MPRIP: variants seen among roughly 807,000 people sequenced by gnomAD.
MPRIP encodes myosin phosphatase Rho interacting protein, also known as myosin phosphatase Rho-interacting protein.
In MPRIP, 59 loss-of-function variants were observed where a neutral mutation model predicts 234.9. The ratio of observed to expected loss-of-function variants is 0.25; its 90% CI spans 0.20 to 0.31. The LOEUF is 0.31. Among genes scored for constraint, MPRIP ranks in the 10% least tolerant of loss-of-function variants. MPRIP has a pLI of 1.00. For synonymous variants in MPRIP, 1,144 were observed against 1,263.9 expected (o/e 0.91, Z 2.01); for missense variants, 2,436 against 3,071.0 (o/e 0.79, Z 4.89).
At chr17:17,175,868 A>G (rs1264570865) in intron 20 of MPRIP, among the ~76,000 whole-genome samples, 1 of 152,142 alleles carries the variant, frequency 6.6e-6, no homozygotes, top group Non-Finnish European at 1.5e-5. Flanking sequence ...AAATTTCAGC[A>G]CTCAGCCAGC....
intron 5 of MPRIP, among the ~76,000 whole-genome samples, chr17:17,135,771 G>A (rs2144456500): frequency 6.6e-6 from 1 of 152,296 alleles, no homozygotes; most frequent in East Asian, 1.9e-4. Flanking sequence ...ATGAGTTGTG[G>A]GGAGACACAG....
At chr17:17,172,008 A>G (rs2046148014) in intron 17 of MPRIP, 143 bp downstream of exon 17, 1 of 1,016,296 alleles carries the variant, frequency 9.8e-7, no homozygotes, top group African/African-American at 1.6e-5. Flanking sequence ...TTGACTATTC[A>G]CTCTGAGGCA....
intron 3 of MPRIP, among the ~76,000 whole-genome samples, chr17:17,105,138 C>T (rs2090038381): frequency 6.6e-6 from 1 of 152,212 alleles, no homozygotes; most frequent in Admixed American, 6.5e-5. Flanking sequence ...GCACTAATTC[C>T]ATTCGATGGA....
intron 3 of MPRIP, among the ~76,000 whole-genome samples, chr17:17,087,301 T>C (rs1472933085): frequency 6.6e-6 from 1 of 152,158 alleles, no homozygotes; most frequent in African/African-American, 2.4e-5. Flanking sequence ...CTGTCCCGAC[T>C]TAGAGCCTGG....
intron 3 of MPRIP, among the ~76,000 whole-genome samples, chr17:17,108,313 G>A (rs1417518420): frequency 6.6e-6 from 1 of 152,240 alleles, no homozygotes; most frequent in African/African-American, 2.4e-5. Context: ...GCAAAAAGCT[G>A]TAAGTGACTT....
At chr17:17,090,040 G>A (rs978344782) in intron 3 of MPRIP, among the ~76,000 whole-genome samples, 1 of 152,212 alleles carries the variant, frequency 6.6e-6, no homozygotes, top group Non-Finnish European at 1.5e-5. Context: ...CCAGGGGGAG[G>A]TGGGGAGACG....
intron 1 of MPRIP, among the ~76,000 whole-genome samples, chr17:17,063,617 G>T (rs1263450165): frequency 6.6e-6 from 1 of 152,166 alleles, no homozygotes; most frequent in Admixed American, 6.5e-5. Context: ...GCCGGATTGC[G>T]CAATATGTCT....
rs2045787259 is a variant in MPRIP at position 17,158,632 on chromosome 17, GGGTGGGCGGCGT to G, written c.2033_2044del (p.Val678_Val681del). Reference sequence around the variant, plus strand: ...ATCCAGCAGGCCCTGGCTCAGGAGCGGGTGGGCGGCGTGGGGCCTGCTGACACCCACGAGCCC... The same window carrying G: ...ATCCAGCAGGCCCTGGCTCAGGAGCGGGGGCCTGCTGACACCCACGAGCCC... On this transcript the variant is annotated inframe_deletion, in exon 14 of 24. Transcript: ENST00000651222. The G allele has an allele frequency of 6.2e-7, 1 of 1,601,696 alleles. No homozygotes were observed. Among genetic ancestry groups the G allele is most frequent in the African/African-American group, 1.3e-5 (1 of 74,662 alleles).
At chr17:17,046,994 A>G (rs1219779041) in intron 1 of MPRIP, among the ~76,000 whole-genome samples, 2 of 152,278 alleles carry the variant, frequency 1.3e-5, no homozygotes, top group African/African-American at 2.4e-5. Flanking sequence ...CCTGGCCAAC[A>G]TGGTGAAACT....
In MPRIP at chr17:17,165,281, A is replaced by G; in HGVS notation, c.3690A>G (p.Pro1230=). 3 of 1,304,110 alleles carry G rather than the reference A, an allele frequency of 2.3e-6. No individual in the cohort carries two copies. The highest frequency in any genetic ancestry group is 1.0e-6 in the Non-Finnish European group (1 of 988,970). The allele number at this position is 1,304,110 out of a possible 1,614,324, so 80.8% of individuals were successfully genotyped here. The part of the protein sequence containing the change: ...ASESPKDMEE[P]RSTPEETERD... The stretch of plus-strand genomic sequence containing the variant: ...AATCTCCAAAGGACATGGAAGAGCC[A>G]CGGAGTACCCCTGAAGAGACAGAAA... The change falls in exon 16 of 24, where the codon CCA becomes CCG. Residue 1230 remains proline, a synonymous_variant. Transcript: ENST00000651222.
Position 17,167,106 on chromosome 17 carries a change from G to T in MPRIP, c.5515G>T (p.Val1839Phe). 3 of 1,304,292 alleles carry T rather than the reference G, an allele frequency of 2.3e-6. No homozygotes were observed. The highest frequency in any genetic ancestry group is 3.0e-6 in the Non-Finnish European group (3 of 988,968). 80.8% of individuals were successfully genotyped at this position (1,304,292 alleles called of 1,614,324 possible). A position where few individuals can be genotyped will look rare whatever the true frequency, so the allele number is the denominator to read the frequency against. The part of the protein sequence containing the change: ...GGLGQYSSLL[V>F]QDAIIQAQVC... ...CCTCGGTCAGTATTCTTCATTGTTGGTTCAGGATGCCATTATTCAGGCCCA... is the reference window on the plus strand; with the variant it reads ...CCTCGGTCAGTATTCTTCATTGTTGTTTCAGGATGCCATTATTCAGGCCCA... Residue 1839 changes from valine (V) to phenylalanine (F), a missense_variant, in exon 16 of 24, where the codon GTT becomes TTT. This residue lies in a region of MPRIP where 1,998 missense variants were observed against 2,520.3 expected (regional missense o/e 0.79). Transcript: ENST00000651222. This position sits in a 1 kb window ranked among gnomAD's most constrained non-coding sequence, Gnocchi z 5.9.
chr17:17,184,760 C>G (rs2144729308), intron 23 of MPRIP, 63 bp from the exon 24 acceptor site: 1 of 1,344,040 alleles, frequency 7.4e-7, no homozygotes, highest in East Asian at 2.3e-5. Context: ...CTGGTCCGGT[C>G]CGGTCCAGTG....
At position 17,138,106 on chromosome 17, in the gene MPRIP, G is replaced by A; in HGVS notation, c.927G>A (p.Glu309=). The part of the protein sequence containing the change: ...RYSCPESPSQ[E]LGGPLPSPGP... ...GTTGCCCCGAGTCGCCCTCCCAGGA[G>A]CTCGGTGGTCCTCTTCCTTCCCCAG... Residue 309 remains glutamate, a synonymous_variant, in exon 7 of 24, where the codon GAG becomes GAA. Coordinates refer to ENST00000651222, the MANE Select transcript of MPRIP (RefSeq NM_001364716.4). This position sits in a 1 kb window ranked among gnomAD's most constrained non-coding sequence, Gnocchi z 5.8. 1 of 1,548,920 alleles carries A rather than the reference G, an allele frequency of 6.5e-7. No homozygotes were observed. Among genetic ancestry groups the A allele is most frequent in the Non-Finnish European group, 8.7e-7 (1 of 1,145,992 alleles).
chr17:17,074,877 A>G (rs1311465383), intron 1 of MPRIP, among the ~76,000 whole-genome samples: 2 of 152,054 alleles, frequency 1.3e-5, no homozygotes, highest in Non-Finnish European at 2.9e-5. Context: ...TTGTTCATCT[A>G]TTCATCTGTC....
At chr17:17,142,365 G>A (rs559538971) in intron 7 of MPRIP, 105 of 385,214 alleles carry the variant, frequency 2.7e-4, no homozygotes, top group African/African-American at 1.9e-3. Context: ...TGTGAATGCC[G>A]AGTGGGTCAG....
At chr17:17,058,853 A>G (rs1022795220) in intron 1 of MPRIP, among the ~76,000 whole-genome samples, 6 of 152,164 alleles carry the variant, frequency 3.9e-5, no homozygotes, top group Non-Finnish European at 7.3e-5. Flanking sequence ...GTTTGGGCAC[A>G]TGGCAACTGA....
At chr17:17,175,160 G>C (rs2046227495) in intron 19 of MPRIP, 133 bp from the exon 20 acceptor site, 1 of 1,304,700 alleles carries the variant, frequency 7.7e-7, no homozygotes, top group Non-Finnish European at 1.1e-6. Context: ...GGAATTAAGG[G>C]TTATCGATTG....
chr17:17,152,421 A>G (rs190855211), intron 12 of MPRIP, among the ~76,000 whole-genome samples: 4 of 152,152 alleles, frequency 2.6e-5, no homozygotes, highest in Non-Finnish European at 4.4e-5. Context: ...CCACTGATCA[A>G]CCCCTCCTCA....
intron 3 of MPRIP, among the ~76,000 whole-genome samples, chr17:17,080,895 A>G (rs1370427628): frequency 4.6e-5 from 7 of 152,140 alleles, no homozygotes; most frequent in Non-Finnish European, 8.8e-5. Flanking sequence ...TTTCTGATCT[A>G]GAGAGGTCTA....
Sources: allele counts gnomAD v4.1 joint callset (sites outside exome capture counted in the v4.1 genomes callset), GRCh38; gene constraint gnomAD v4.1.1; regional missense constraint gnomAD v4.1.1; non-coding constraint Gnocchi (gnomAD v3.1); transcripts MANE v1.5; gene names NCBI Gene and HGNC (gene_info 2026-07-23, HGNC 2026-07-21).